Variants in MED1 observed in about 807,000 individuals in gnomAD.
MED1 encodes mediator of RNA polymerase II transcription subunit 1.
A neutral mutation model predicts 121.3 loss-of-function variants in MED1; 17 were observed. That is an observed-to-expected ratio of 0.14 (90% CI 0.10 to 0.21). MED1 has a LOEUF of 0.21. MED1 is among the 10% of genes least tolerant of loss of function. The pLI is 1.00. For missense variants in MED1, 1,558 were observed against 1,919.4 expected, an observed-to-expected ratio of 0.81 and a Z score of 3.52; for synonymous variants, 661 against 694.4, an observed-to-expected ratio of 0.95 and a Z score of 0.76.
Position 39,440,549 on chromosome 17 carries a change from T to C in MED1, c.267-31A>G, listed in dbSNP as rs1597872556. 1 of 1,612,172 alleles carries C rather than the reference T, an allele frequency of 6.2e-7. No individual in the cohort carries two copies. The highest frequency in any genetic ancestry group is 8.5e-7 in the Non-Finnish European group (1 of 1,179,592). On this transcript the variant is annotated intron_variant, in intron 4 of 16. Transcript: ENST00000300651. The surrounding 1 kb of genome is among the most constrained non-coding windows in gnomAD (Gnocchi z 4.1). ...AGGAACAAATCAAAACAAAAATTAA[T>C]AGAAGACACATAAATAAAGCCACCC...
Position 39,407,620 on chromosome 17 carries a change from G to A in MED1, c.4601C>T (p.Ser1534Phe). ...KSHSIKPESW[S>F]KSPISSDQSL... is the part of the protein sequence containing the mutation. ...CTGGTCTGAAGAGATGGGTGATTTG[G>A]ACCAACTCTCTGGCTTGATGCTATG... The change falls in exon 17 of 17, where the codon TCC (serine) becomes TTC (phenylalanine). Residue 1534 changes from serine to phenylalanine, a missense_variant. Around this residue, in one of 5 missense-constraint regions of MED1, gnomAD observed 264 missense variants for 326.1 expected, o/e 0.81. Transcript: ENST00000300651. The A allele has an allele frequency of 6.2e-7, 1 of 1,614,032 alleles. No individual in the cohort carries two copies. Among genetic ancestry groups the A allele is most frequent in the Non-Finnish European group, 8.5e-7 (1 of 1,180,010 alleles).
intron 5 of MED1, among the ~76,000 whole-genome samples, chr17:39,440,000 A>AGGAAGGAC (rs1302452173): frequency 3.7e-5 from 5 of 135,340 alleles, no homozygotes; most frequent in African/African-American, 1.3e-4. Flanking sequence ...GAAGGAAGGA[A>AGGAAGGAC]GGAAGGAAGG....
chr17:39,430,496 C>G (rs1285609052), intron 9 of MED1, among the ~76,000 whole-genome samples: 1 of 146,558 alleles, frequency 6.8e-6, no homozygotes, highest in Non-Finnish European at 1.5e-5. Context: ...TCGAGATCAT[C>G]CTGGCTAACG....
At chr17:39,429,384 G>A (rs2048543550) in intron 9 of MED1, among the ~76,000 whole-genome samples, 1 of 151,722 alleles carries the variant, frequency 6.6e-6, no homozygotes, top group Non-Finnish European at 1.5e-5. Context: ...GGGAGGACAG[G>A]TATTGACAGC....
At chr17:39,438,745 T>C (rs533230396) in intron 6 of MED1, among the ~76,000 whole-genome samples, 3 of 152,112 alleles carry the variant, frequency 2.0e-5, no homozygotes, top group Non-Finnish European at 2.9e-5. Context: ...AGTGCTGGGA[T>C]TACAGGCGTG....
chr17:39,404,519 T>G lies in MED1; in HGVS notation c.*2956A>C, dbSNP rs1199032240. ...AAACTCAAAATTTAAAGCTCAGTTCTTATAGCTGAGCATGTTTCCCAATCT... is the reference window on the plus strand; with the variant it reads ...AAACTCAAAATTTAAAGCTCAGTTCGTATAGCTGAGCATGTTTCCCAATCT... On this transcript the variant is annotated 3_prime_UTR_variant, in exon 17 of 17. Transcript: ENST00000300651. The G allele has an allele frequency of 6.6e-6, 1 of 152,350 alleles. No individual in the cohort carries two copies. The highest frequency in any genetic ancestry group is 2.4e-5 in the African/African-American group (1 of 41,460). The allele number at this position is 152,350 out of a possible 1,614,324, so 9.4% of individuals were successfully genotyped here.
chr17:39,405,148 C>A lies in MED1; in HGVS notation c.*2327G>T. The A allele has an allele frequency of 1.4e-6, 2 of 1,454,314 alleles. No individual in the cohort carries two copies. The highest frequency in any genetic ancestry group is 1.8e-6 in the Non-Finnish European group (2 of 1,082,334). The allele number at this position is 1,454,314 out of a possible 1,614,324, so 90.1% of individuals were successfully genotyped here. A position where few individuals can be genotyped will look rare whatever the true frequency, so the allele number is the denominator to read the frequency against. The stretch of plus-strand genomic sequence containing the variant: ...TTTATTCTGCCTCTTCTCCTCCACC[C>A]TGTGGAGAAATGCAGTGCTCCCTGG... On this transcript the variant is annotated 3_prime_UTR_variant, in exon 17 of 17. Coordinates refer to ENST00000300651, the MANE Select transcript of MED1 (RefSeq NM_004774.4).
chr17:39,413,703 C>T (rs1390709084), intron 16 of MED1, among the ~76,000 whole-genome samples: 3 of 151,822 alleles, frequency 2.0e-5, no homozygotes, highest in Non-Finnish European at 4.4e-5. Flanking sequence ...CACTGCACTC[C>T]AGCCTGGGTA....
rs754971386 is a variant in MED1, at chr17:39,409,738, G to A, written c.2483C>T (p.Thr828Ile). ...AGTGTATGGATTTTCATTATTGTTA[G>A]TTTGAAAGACATCAGAGTCAAACAG... The part of the protein sequence containing the change: ...STLFDSDVFQ[T>I]NNNENPYTDP... Residue 828 changes from threonine (T) to isoleucine (I), a missense_variant, in exon 17 of 17, where the codon ACT (threonine) becomes ATT (isoleucine). This residue lies in a region of MED1 where 793 missense variants were observed against 898.2 expected (regional missense o/e 0.88). Coordinates refer to ENST00000300651, the MANE Select transcript of MED1 (RefSeq NM_004774.4). 2.8e-5 allele frequency: 46 copies of A among 1,614,168 alleles called. No individual in the cohort carries two copies. Among genetic ancestry groups the A allele is most frequent in the Non-Finnish European group, 3.9e-5 (46 of 1,180,028 alleles).
At chr17:39,416,600 C>G (rs2048411319) in intron 14 of MED1, among the ~76,000 whole-genome samples, 1 of 152,164 alleles carries the variant, frequency 6.6e-6, no homozygotes, top group South Asian at 2.1e-4. Context: ...ACACATGAAA[C>G]AGAAGTGCCA....
chr17:39,448,828 G>C (rs1414271203), intron 1 of MED1, among the ~76,000 whole-genome samples: 1 of 152,060 alleles, frequency 6.6e-6, no homozygotes, highest in Non-Finnish European at 1.5e-5. Flanking sequence ...AGAATCACTT[G>C]AACCCAGGAG....
chr17:39,422,655 T>C (rs1301606521), intron 13 of MED1, among the ~76,000 whole-genome samples: 2 of 151,298 alleles, frequency 1.3e-5, no homozygotes, highest in Non-Finnish European at 2.9e-5. Flanking sequence ...TTTATATTTT[T>C]AGTAGAGACG....
rs749392546 is a variant in MED1, at chr17:39,431,967, G to C, written c.550C>G (p.Leu184Val). 1.2e-6 allele frequency: 2 copies of C among 1,607,198 alleles called. No individual in the cohort carries two copies. The highest frequency in any genetic ancestry group is 2.2e-5 in the East Asian group (1 of 44,846). Residue 184 changes from leucine to valine, a missense_variant, in exon 8 of 17, where the codon CTT becomes GTT. Transcript: ENST00000300651. ...YLALQSLEQD[L>V]SKMAIMYWKA... ...CAGTACATAATTGCCATTTTAGAAAGATCTTGTTCTAAGGATTGGAGAGCC... is the reference window on the plus strand; with the variant it reads ...CAGTACATAATTGCCATTTTAGAAACATCTTGTTCTAAGGATTGGAGAGCC...
At chr17:39,412,531 TTC>T (rs1267694906) in intron 16 of MED1, among the ~76,000 whole-genome samples, 2 of 149,058 alleles carry the variant, frequency 1.3e-5, no homozygotes, top group Admixed American at 6.7e-5. Flanking sequence ...CAGCAAATTT[TTC>T]TTTTTTTTTT....
In MED1 at chr17:39,440,824, G is replaced by T; in HGVS notation, c.212-147C>A. ...TAATTTACATAAAGTTCACTGATTAGGGTTAGCTGTGGCCTATGCAGTACT... is the reference window on the plus strand; with the variant it reads ...TAATTTACATAAAGTTCACTGATTATGGTTAGCTGTGGCCTATGCAGTACT... On this transcript the variant is annotated intron_variant, in intron 3 of 16. Transcript: ENST00000300651. The surrounding 1 kb of genome is among the most constrained non-coding windows in gnomAD (Gnocchi z 4.1). 1 of 790,782 alleles carries T rather than the reference G, an allele frequency of 1.3e-6. No homozygotes were observed. Among genetic ancestry groups the T allele is most frequent in the South Asian group, 1.7e-5 (1 of 58,924 alleles). 49.0% of individuals were successfully genotyped at this position (790,782 alleles called of 1,614,324 possible).
chr17:39,407,088 T>C lies in MED1; in HGVS notation c.*387A>G. 2.0e-6 allele frequency: 2 copies of C among 995,796 alleles called. No homozygotes were observed. The highest frequency in any genetic ancestry group is 2.4e-6 in the Non-Finnish European group (2 of 836,534). 61.7% of individuals were successfully genotyped at this position (995,796 alleles called of 1,614,324 possible). On this transcript the variant is annotated 3_prime_UTR_variant, in exon 17 of 17. Transcript: ENST00000300651. ...TTCATTTTCTGCCCAGCCCTTCATA[T>C]ACATGCACTAAAATGAGTTTAAAAC...
intron 2 of MED1, among the ~76,000 whole-genome samples, chr17:39,444,027 G>A (rs2048703534): frequency 1.3e-5 from 2 of 152,252 alleles, no homozygotes; most frequent in South Asian, 4.1e-4. Flanking sequence ...AACCTTTAGA[G>A]AAATATTAGG....
rs1372707866 is a variant in MED1 at position 39,440,042 on chromosome 17, GAGAA to G, written c.399+340_399+343del. On this transcript the variant is annotated intron_variant, in intron 5 of 16. Coordinates refer to ENST00000300651, the MANE Select transcript of MED1 (RefSeq NM_004774.4). This position sits in a 1 kb window ranked among gnomAD's most constrained non-coding sequence, Gnocchi z 4.1. Reference sequence around the variant, plus strand: ...GGAAAGAAAGAAAGAAAGAGAGAAAGAGAAAGAAAGAAAAGAAAGAAAAGAAAAA... The same window carrying G: ...GGAAAGAAAGAAAGAAAGAGAGAAAGAGAAAGAAAAGAAAGAAAAGAAAAA... Among the ~76,000 whole-genome samples, 59 of 144,726 alleles carry G rather than the reference GAGAA, an allele frequency of 4.1e-4. No homozygotes were observed. Among genetic ancestry groups the G allele is most frequent in the African/African-American group, 1.3e-3 (53 of 39,268 alleles). The allele number at this position is 144,726 out of a possible 152,430, so 94.9% of individuals were successfully genotyped here. A position where few individuals can be genotyped will look rare whatever the true frequency, so the allele number is the denominator to read the frequency against.
intron 2 of MED1, 55 bp downstream of exon 2, chr17:39,447,743 T>C (rs2048742196): frequency 1.6e-6 from 2 of 1,253,714 alleles, no homozygotes; most frequent in Admixed American, 3.6e-5. Context: ...GAGCTTAGCG[T>C]ATTAAGAATA....
Sources: allele counts gnomAD v4.1 joint callset (sites outside exome capture counted in the v4.1 genomes callset), GRCh38; gene constraint gnomAD v4.1.1; regional missense constraint gnomAD v4.1.1; non-coding constraint Gnocchi (gnomAD v3.1); transcripts MANE v1.5; gene names NCBI Gene and HGNC (gene_info 2026-07-23, HGNC 2026-07-21).